The following PTPRD variants were observed in gnomAD, a reference collection of about 807,000 sequenced individuals.
PTPRD encodes the protein receptor-type tyrosine-protein phosphatase delta.
A neutral mutation model predicts 214.5 loss-of-function variants in PTPRD; 34 were observed. That is an observed-to-expected ratio of 0.16 (90% confidence interval 0.12 to 0.21). The LOEUF (loss-of-function observed/expected upper bound fraction) is 0.21. PTPRD is among the 10% of genes least tolerant of loss of function. The pLI is 1.00. For synonymous variants in PTPRD, 1,128 were observed against 845.7 expected (o/e 1.33, Z -5.79); for missense variants, 2,545 against 2,398.7 (o/e 1.06, Z -1.27).
chr9:9,819,915 T>C (rs954490536), intron 5 of PTPRD, among the ~76,000 whole-genome samples: 19 of 152,316 alleles, frequency 1.2e-4, no homozygotes, highest in African/African-American at 4.6e-4. Flanking sequence ...CATAGATTGA[T>C]TCCATATCTT....
At chr9:9,784,756 A>C (rs1307419928) in intron 5 of PTPRD, among the ~76,000 whole-genome samples, 2 of 151,256 alleles carry the variant, frequency 1.3e-5, no homozygotes, top group African/African-American at 4.8e-5. Context: ...CCAGCATTTA[A>C]AATTTTATGT....
intron 39 of PTPRD, among the ~76,000 whole-genome samples, chr9:8,349,821 A>G (rs1171352363): frequency 6.6e-6 from 1 of 152,142 alleles, no homozygotes; most frequent in Non-Finnish European, 1.5e-5. Context: ...CTAAAGTAAA[A>G]TCAACTTTTT....
chr9:9,104,432 A>G (rs2099795657), intron 10 of PTPRD, among the ~76,000 whole-genome samples: 1 of 152,234 alleles, frequency 6.6e-6, no homozygotes, highest in Non-Finnish European at 1.5e-5. Flanking sequence ...AATTCCTGAG[A>G]TGAATAATTA....
In PTPRD at chr9:8,806,174, C is replaced by T. The variant is rs182588143; in HGVS notation, c.-103-72228G>A. On this transcript the variant is annotated intron_variant, in intron 11 of 45. Coordinates refer to ENST00000381196, the MANE Select transcript of PTPRD (RefSeq NM_002839.4). ...TCCTGATCTCAGGTGATCCACCCACCTTGGCCTCCCAAAGTGCTGGGATTA... is the reference window on the plus strand; with the variant it reads ...TCCTGATCTCAGGTGATCCACCCACTTTGGCCTCCCAAAGTGCTGGGATTA... Among the ~76,000 whole-genome samples, 307 of 150,108 alleles carry T rather than the reference C, an allele frequency of 2.0e-3. 1 individual carries two copies. Among genetic ancestry groups the T allele is most frequent in the African/African-American group, 7.2e-3 (294 of 40,892 alleles).
chr9:10,458,285 A>G (rs1440978628), intron 2 of PTPRD, among the ~76,000 whole-genome samples: 1 of 152,156 alleles, frequency 6.6e-6, no homozygotes, highest in African/African-American at 2.4e-5. Context: ...CATTATTGCA[A>G]AAATTACTCG....
chr9:10,233,539 T>C (rs2099619140), intron 3 of PTPRD, among the ~76,000 whole-genome samples: 1 of 152,032 alleles, frequency 6.6e-6, no homozygotes. Flanking sequence ...AAATAAAATA[T>C]GAACATTTTA....
At chr9:8,730,853 G>A (rs1051493387) in intron 12 of PTPRD, among the ~76,000 whole-genome samples, 2 of 152,192 alleles carry the variant, frequency 1.3e-5, no homozygotes, top group Admixed American at 6.5e-5. Context: ...TCGAACAGAA[G>A]TCGCATATGC....
At chr9:10,421,199 CA>C (rs1355343524) in intron 2 of PTPRD, among the ~76,000 whole-genome samples, 2 of 151,864 alleles carry the variant, frequency 1.3e-5, no homozygotes. Flanking sequence ...TTCACTACTT[CA>C]GGGGGTTCTG....
chr9:8,846,879 T>C (rs968142702), intron 11 of PTPRD, among the ~76,000 whole-genome samples: 5 of 152,274 alleles, frequency 3.3e-5, no homozygotes, highest in African/African-American at 4.8e-5. Flanking sequence ...ACTGAAATAT[T>C]TGAAAGCAAG....
At chr9:9,412,258 C>G (rs149637134) in intron 8 of PTPRD, among the ~76,000 whole-genome samples, 1 of 151,856 alleles carries the variant, frequency 6.6e-6, no homozygotes, top group Non-Finnish European at 1.5e-5. Context: ...ATAATAAATT[C>G]GCTTTTTGTA....
At chr9:9,444,773 C>A (rs1299371667) in intron 8 of PTPRD, among the ~76,000 whole-genome samples, 1 of 152,052 alleles carries the variant, frequency 6.6e-6, no homozygotes, top group African/African-American at 2.4e-5. Context: ...ATTCTAGTAA[C>A]TTTTATATTT....
chr9:10,002,330 A>G (rs1417639199), intron 4 of PTPRD, among the ~76,000 whole-genome samples: 2 of 69,380 alleles, frequency 2.9e-5, no homozygotes, highest in Non-Finnish European at 9.1e-5. Context: ...CTTTAAATAT[A>G]AATATATATA....
intron 14 of PTPRD, among the ~76,000 whole-genome samples, chr9:8,550,079 T>C (rs997635001): frequency 2.6e-5 from 4 of 152,130 alleles, no homozygotes; most frequent in South Asian, 2.1e-4. Flanking sequence ...AAAGAACAAA[T>C]AGAAGACTTG....
intron 8 of PTPRD, among the ~76,000 whole-genome samples, chr9:9,398,687 T>C (rs752102025): frequency 2.6e-5 from 4 of 152,060 alleles, no homozygotes; most frequent in Non-Finnish European, 5.9e-5. Flanking sequence ...TTCAATCATA[T>C]GGGAATACAT....
intron 8 of PTPRD, among the ~76,000 whole-genome samples, chr9:9,521,026 C>T (rs565154887): frequency 6.6e-6 from 1 of 152,150 alleles, no homozygotes; most frequent in Non-Finnish European, 1.5e-5. Flanking sequence ...TTTTTATGCA[C>T]ACTAAATTTA....
chr9:8,838,323 C>G (rs1210744278), intron 11 of PTPRD, among the ~76,000 whole-genome samples: 10 of 143,274 alleles, frequency 7.0e-5, no homozygotes, highest in African/African-American at 2.5e-4. Context: ...AAGGAAGTGA[C>G]AAATTTGGAA....
At chr9:9,024,315 GA>G (rs1313269928) in intron 10 of PTPRD, among the ~76,000 whole-genome samples, 1 of 146,378 alleles carries the variant, frequency 6.8e-6, no homozygotes, top group Non-Finnish European at 1.5e-5. Flanking sequence ...TAGACCTGTC[GA>G]AAAGGCTATT....
chr9:9,872,634 G>A (rs1365936052), intron 5 of PTPRD, among the ~76,000 whole-genome samples: 1 of 151,964 alleles, frequency 6.6e-6, no homozygotes, highest in Non-Finnish European at 1.5e-5. Flanking sequence ...AGATAACACA[G>A]CTTTACAAGG....
chr9:9,948,850 C>A (rs2093118340), intron 4 of PTPRD, among the ~76,000 whole-genome samples: 1 of 151,742 alleles, frequency 6.6e-6, no homozygotes, highest in African/African-American at 2.4e-5. Context: ...AATTTTATGA[C>A]AATAAAAAGA....
Sources: gnomAD v4.1 joint callset for allele counts (sites outside exome capture counted in the v4.1 genomes callset) on GRCh38, gnomAD v4.1.1 for gene constraint, MANE v1.5 for transcripts, NCBI Gene and HGNC (gene_info 2026-07-23, HGNC 2026-07-21) for gene names.